The following LASP1 variants were observed in gnomAD, a reference collection of about 807,000 sequenced individuals.
The protein encoded by LASP1 is LIM and SH3 protein 1, also known as LIM and SH3 domain protein 1.
LASP1 carries 10 observed loss-of-function variants against 38.6 expected under a neutral mutation model. The observed-to-expected ratio is 0.26, with a 90% CI of 0.16 to 0.44. The LOEUF is 0.44. Ranked by LOEUF, LASP1 falls within the 20% of genes least tolerant of loss-of-function variation. The pLI is 1.00. For missense variants in LASP1, 243 were observed against 375.7 expected, an observed-to-expected ratio of 0.65 and a Z score of 2.92; for synonymous variants, 132 against 140.8, an observed-to-expected ratio of 0.94 and a Z score of 0.44.
At chr17:38,894,120 T>G (rs1410616182) in intron 3 of LASP1, among the ~76,000 whole-genome samples, 1 of 131,576 alleles carries the variant, frequency 7.6e-6, no homozygotes, top group Non-Finnish European at 1.7e-5. Flanking sequence ...CAGGCCTGGC[T>G]GAGGCAGGGG....
intron 3 of LASP1, chr17:38,897,175 C>G (rs746811635): frequency 1.3e-6 from 1 of 772,796 alleles, no homozygotes; most frequent in African/African-American, 1.9e-5. Context: ...TGGATCAGAA[C>G]AGAGAAGGAG....
intron 4 of LASP1, among the ~76,000 whole-genome samples, chr17:38,913,244 C>T (rs759152937): frequency 1.1e-4 from 17 of 152,292 alleles, no homozygotes; most frequent in South Asian, 2.1e-4. Flanking sequence ...CTCACATGCC[C>T]GCCTAGTGGG....
chr17:38,909,628 G>A, intron 4 of LASP1, among the ~76,000 whole-genome samples: 1 of 151,882 alleles, frequency 6.6e-6, no homozygotes, highest in Non-Finnish European at 1.5e-5. Context: ...AGAAAGAAAA[G>A]TGAAGAGGAT....
intron 6 of LASP1, 34 bp downstream of exon 6, chr17:38,915,180 G>A (rs1252342080): frequency 2.0e-5 from 32 of 1,572,586 alleles, no homozygotes; most frequent in Non-Finnish European, 2.7e-5. Flanking sequence ...AGAGGCCAGA[G>A]GCAGGGGGTC....
At position 38,890,406 on chromosome 17, in the gene LASP1, T is replaced by G; in HGVS notation, c.165-14T>G. 1 of 1,613,534 alleles carries G rather than the reference T, an allele frequency of 6.2e-7. No individual in the cohort carries two copies. The highest frequency in any genetic ancestry group is 8.5e-7 in the Non-Finnish European group (1 of 1,179,624). ...CCCCAGAGTCACCCCCACTCTGTTT[T>G]TTCTGTCCTGCAGACACTACCCCAA... On this transcript the variant is annotated splice_polypyrimidine_tract_variant and intron_variant, in intron 2 of 6. Coordinates refer to ENST00000318008, the MANE Select transcript of LASP1 (RefSeq NM_006148.4).
Position 38,890,415 on chromosome 17 carries a change from T to C in LASP1, c.165-5T>C, listed in dbSNP as rs779809475. The stretch of plus-strand genomic sequence containing the variant: ...CACCCCCACTCTGTTTTTTCTGTCC[T>C]GCAGACACTACCCCAAGCAGTCCTT... On this transcript the variant is annotated splice_polypyrimidine_tract_variant and splice_region_variant and intron_variant, in intron 2 of 6. Transcript: ENST00000318008. The C allele has an allele frequency of 1.9e-6, 3 of 1,613,904 alleles. No homozygotes were observed. The highest frequency in any genetic ancestry group is 1.1e-5 in the South Asian group (1 of 91,084).
rs1185930008 is a variant in LASP1 at position 38,920,004 on chromosome 17, G to A, written c.*1226G>A. 1 of 535,232 alleles carries A rather than the reference G, an allele frequency of 1.9e-6. No homozygotes were observed. Among genetic ancestry groups the A allele is most frequent in the Admixed American group, 2.2e-5 (1 of 45,064 alleles). 33.2% of individuals were successfully genotyped at this position (535,232 alleles called of 1,614,324 possible). On this transcript the variant is annotated 3_prime_UTR_variant, in exon 7 of 7. Coordinates refer to ENST00000318008, the MANE Select transcript of LASP1 (RefSeq NM_006148.4). Reference sequence around the variant, plus strand: ...TTTCCTCAGAACCCACAGTGAGAGGGGAGGGCTCCTGGGGCAGAGAAGTTC... The same window carrying A: ...TTTCCTCAGAACCCACAGTGAGAGGAGAGGGCTCCTGGGGCAGAGAAGTTC...
At chr17:38,912,848 G>T (rs1048402122) in intron 4 of LASP1, among the ~76,000 whole-genome samples, 10 of 152,202 alleles carry the variant, frequency 6.6e-5, no homozygotes, top group African/African-American at 2.2e-4. Context: ...TGGCGCCGAG[G>T]CTCTGGACAC....
chr17:38,892,302 G>A (rs1914351552), intron 3 of LASP1, among the ~76,000 whole-genome samples: 1 of 152,198 alleles, frequency 6.6e-6, no homozygotes, highest in South Asian at 2.1e-4. Context: ...GCCCTGGTAG[G>A]GCCTGAGGCT....
At chr17:38,876,169 C>T (rs1013271942) in intron 1 of LASP1, among the ~76,000 whole-genome samples, 8 of 147,538 alleles carry the variant, frequency 5.4e-5, no homozygotes, top group African/African-American at 1.8e-4. Flanking sequence ...CCTGTTAGAT[C>T]GTTTCTCTTT....
At chr17:38,898,886 C>T in intron 4 of LASP1, 1 of 394,580 alleles carries the variant, frequency 2.5e-6, no homozygotes. Flanking sequence ...CACCTGGCCT[C>T]CCCTGGTCTG....
At chr17:38,896,048 A>C (rs1245887837) in intron 3 of LASP1, among the ~76,000 whole-genome samples, 2 of 151,786 alleles carry the variant, frequency 1.3e-5, no homozygotes, top group Non-Finnish European at 2.9e-5. Flanking sequence ...CTTCCTCCAC[A>C]GGGACCCCCA....
At chr17:38,914,183 G>A in intron 4 of LASP1, 142 bp from the exon 5 acceptor site, 2 of 963,124 alleles carry the variant, frequency 2.1e-6, no homozygotes, top group Non-Finnish European at 3.1e-6. Context: ...AGGACACACA[G>A]CTGGTGCTTC....
rs758270084 is a variant in LASP1 at position 38,918,862 on chromosome 17, CTG to C, written c.*86_*87del. 1 of 1,478,020 alleles carries C rather than the reference CTG, an allele frequency of 6.8e-7. No individual in the cohort carries two copies. The highest frequency in any genetic ancestry group is 9.2e-7 in the Non-Finnish European group (1 of 1,083,572). 91.6% of individuals were successfully genotyped at this position (1,478,020 alleles called of 1,614,324 possible). A position where few individuals can be genotyped will look rare whatever the true frequency, so the allele number is the denominator to read the frequency against. On this transcript the variant is annotated 3_prime_UTR_variant, in exon 7 of 7. Coordinates refer to ENST00000318008, the MANE Select transcript of LASP1 (RefSeq NM_006148.4). This position sits in a 1 kb window ranked among gnomAD's most constrained non-coding sequence, Gnocchi z 4.4. ...GTGACCCGTCCATTCTTCAGTGTCT[CTG>C]TTTTTTAAAACCTGCGACAGCTTGT...
In LASP1 at chr17:38,883,841, T is replaced by A. The variant is rs1914024505; in HGVS notation, c.164+5661T>A. On this transcript the variant is annotated intron_variant, in intron 2 of 6. Transcript: ENST00000318008. ...TCTTTTTGACTGCTCTTTTTTTTCC[T>A]CTGATTGAACAATGCCTCCTTGTTG... 2.0e-5 allele frequency among the ~76,000 whole-genome samples: 3 copies of A among 150,000 alleles called. No individual in the cohort carries two copies. In the South Asian group the frequency reaches 6.3e-4, roughly 32 times the overall value.
chr17:38,890,612 C>A, intron 3 of LASP1, 108 bp downstream of exon 3: 2 of 964,324 alleles, frequency 2.1e-6, no homozygotes, highest in Non-Finnish European at 3.3e-6. Flanking sequence ...CTCTGCAAGG[C>A]CAAGGTGCTG....
At chr17:38,893,598 A>C (rs1449032768) in intron 3 of LASP1, among the ~76,000 whole-genome samples, 3 of 152,028 alleles carry the variant, frequency 2.0e-5, no homozygotes, top group African/African-American at 7.3e-5. Flanking sequence ...CCCTTTTTGC[A>C]GGCCTGTTCT....
At chr17:38,886,836 G>C (rs138704854) in intron 2 of LASP1, among the ~76,000 whole-genome samples, 1 of 152,290 alleles carries the variant, frequency 6.6e-6, no homozygotes, top group African/African-American at 2.4e-5. Context: ...TCAGACTGTG[G>C]AATGGGTGGG....
intron 2 of LASP1, among the ~76,000 whole-genome samples, chr17:38,879,071 C>T (rs529019850): frequency 4.6e-5 from 7 of 152,040 alleles, no homozygotes; most frequent in African/African-American, 1.7e-4. Flanking sequence ...TGGGGCCTCA[C>T]AGCCGCCTCC....
Sources: gnomAD v4.1 joint callset for allele counts (sites outside exome capture counted in the v4.1 genomes callset) on GRCh38, gnomAD v4.1.1 for gene constraint, Gnocchi (gnomAD v3.1) non-coding constraint, MANE v1.5 for transcripts, NCBI Gene and HGNC (gene_info 2026-07-23, HGNC 2026-07-21) for gene names.